The following LEFTY2 variants were observed in gnomAD, a reference collection of about 807,000 sequenced individuals.
LEFTY2 encodes left-right determination factor 2, also known as TGF-beta-4.
A neutral mutation model predicts 26.4 loss-of-function variants in LEFTY2; 10 were observed. The ratio of observed to expected loss-of-function variants is 0.38; its 90% CI spans 0.23 to 0.64. The LOEUF is 0.64. LEFTY2 is among the 30% of genes least tolerant of loss of function. LEFTY2 has a pLI of 0.56. For missense variants in LEFTY2, 407 were observed against 502.1 expected, an observed-to-expected ratio of 0.81 and a Z score of 1.81; for synonymous variants, 204 against 234.1, an observed-to-expected ratio of 0.87 and a Z score of 1.17.
chr1:225,939,232 G>A lies in LEFTY2; in HGVS notation c.737+129C>T. On this transcript the variant is annotated intron_variant, in intron 3 of 3. Transcript: ENST00000366820. The surrounding 1 kb of genome is among the most constrained non-coding windows in gnomAD (Gnocchi z 4.1). ...TAGTGGGCAATCGCTGGCATCCTGG[G>A]ACAGTCTGCACCGCGCTCTCCCTAC... is the stretch of plus-strand genomic sequence containing the variant. 1.4e-6 allele frequency: 2 copies of A among 1,421,370 alleles called. No individual in the cohort carries two copies. Among genetic ancestry groups the A allele is most frequent in the South Asian group, 1.2e-5 (1 of 80,518 alleles). 88.0% of individuals were successfully genotyped at this position (1,421,370 alleles called of 1,614,324 possible).
Position 225,939,838 on chromosome 1 carries a change from G to C in LEFTY2, c.415C>G (p.Arg139Gly), listed in dbSNP as rs750344975. ...ACGGTCACCCGGGCCTGGGCGCTGC[G>C]CGGGGACAGCCGCCCGTGCCTGTGC... is the stretch of plus-strand genomic sequence containing the variant. ...ALHRHGRLSP[R>G]SAQARVTVEW... The change falls in exon 2 of 4, where the codon CGC becomes GGC. Residue 139 changes from arginine to glycine, a missense_variant. Coordinates refer to ENST00000366820, the MANE Select transcript of LEFTY2 (RefSeq NM_003240.5). The surrounding 1 kb of genome is among the most constrained non-coding windows in gnomAD (Gnocchi z 4.1). 1.0e-5 allele frequency: 16 copies of C among 1,546,004 alleles called. No individual in the cohort carries two copies. The South Asian group carries it at 1.8e-4, about 17-fold the overall frequency.
Position 225,940,880 on chromosome 1 carries a change from G to T in LEFTY2, c.250+11C>A, listed in dbSNP as rs564180251. 5 of 1,613,402 alleles carry T rather than the reference G, an allele frequency of 3.1e-6. No homozygotes were observed. In the South Asian group the frequency reaches 4.4e-5, roughly 14 times the overall value. On this transcript the variant is annotated intron_variant, in intron 1 of 3. Transcript: ENST00000366820. ...CATGGGACCGGGGCCAGCAGGGAGGGAGGGTCTCACCTCGGAAGCTCTGGC... is the reference window on the plus strand; with the variant it reads ...CATGGGACCGGGGCCAGCAGGGAGGTAGGGTCTCACCTCGGAAGCTCTGGC...
At chr1:225,940,838 A>G (rs1672303925) in intron 1 of LEFTY2, 53 bp downstream of exon 1, 2 of 1,611,628 alleles carry the variant, frequency 1.2e-6, no homozygotes, top group African/African-American at 1.3e-5. Flanking sequence ...AGTGGGCACA[A>G]CCGGCCTGCC....
Position 225,937,449 on chromosome 1 carries a change from G to A in LEFTY2, c.1093C>T (p.Gln365Ter). The change falls in exon 4 of 4, where the codon CAG (glutamine) becomes TAG (stop). Residue 365 changes from glutamine to a stop codon, truncating the protein, a stop_gained. Transcript: ENST00000366820. LOFTEE classifies it high-confidence loss of function. ...ATGGATACACCAGGCGCCTATGGCTGGAGCCTCCTTGGCACGAGCGCCCCA... is the reference window on the plus strand; with the variant it reads ...ATGGATACACCAGGCGCCTATGGCTAGAGCCTCCTTGGCACGAGCGCCCCA... ...SDGALVPRRLQP is the reference protein window; with the variant it reads ...SDGALVPRRL 1.2e-6 allele frequency: 2 copies of A among 1,613,986 alleles called. No individual in the cohort carries two copies. Among genetic ancestry groups the A allele is most frequent in the Non-Finnish European group, 1.7e-6 (2 of 1,180,046 alleles).
Position 225,939,612 on chromosome 1 carries a change from T to A in LEFTY2, c.498-12A>T. The A allele has an allele frequency of 6.2e-7, 1 of 1,612,392 alleles. No individual in the cohort carries two copies. Among genetic ancestry groups the A allele is most frequent in the Non-Finnish European group, 8.5e-7 (1 of 1,179,774 alleles). ...GGACGGACACCAGCCTGAGACATGA[T>A]ACACACGACACGGAGACCCAGCGCC... On this transcript the variant is annotated splice_polypyrimidine_tract_variant and intron_variant, in intron 2 of 3. Coordinates refer to ENST00000366820, the MANE Select transcript of LEFTY2 (RefSeq NM_003240.5). This position sits in a 1 kb window ranked among gnomAD's most constrained non-coding sequence, Gnocchi z 4.1.
intron 1 of LEFTY2, 185 bp from the exon 2 acceptor site, chr1:225,940,187 A>AG (rs1187965627): frequency 4.9e-6 from 5 of 1,020,834 alleles, no homozygotes; most frequent in East Asian, 2.6e-5. Flanking sequence ...TCCAGCAGGC[A>AG]GGGGGGCCTG....
rs1472195425 is a variant in LEFTY2, at chr1:225,939,746, C to T, written c.497+10G>A. Reference sequence around the variant, plus strand: ...CCTACTCCTGCCCTGCGCGCCCGCGCGACCCCCACCTGGAGTCGATGAGGG... The same window carrying T: ...CCTACTCCTGCCCTGCGCGCCCGCGTGACCCCCACCTGGAGTCGATGAGGG... On this transcript the variant is annotated intron_variant, in intron 2 of 3. Coordinates refer to ENST00000366820, the MANE Select transcript of LEFTY2 (RefSeq NM_003240.5). This position sits in a 1 kb window ranked among gnomAD's most constrained non-coding sequence, Gnocchi z 4.1. 3 of 1,598,048 alleles carry T rather than the reference C, an allele frequency of 1.9e-6. No individual in the cohort carries two copies. The African/African-American group carries it at 4.0e-5, about 21-fold the overall frequency.
chr1:225,938,448 A>G (rs953871769), intron 3 of LEFTY2, among the ~76,000 whole-genome samples: 5 of 152,240 alleles, frequency 3.3e-5, no homozygotes, highest in Admixed American at 2.6e-4. Context: ...TAAATAAAAT[A>G]AATCATACAA....
rs6697182 is a variant in LEFTY2 at position 225,936,945 on chromosome 1, A to C, written c.*496T>G. The stretch of plus-strand genomic sequence containing the variant: ...TCCCAATTCCCTGTCCACTGCCCCC[A>C]GCCTGAAGCCCTTCATCCTTCCTCT... On this transcript the variant is annotated 3_prime_UTR_variant, in exon 4 of 4. Transcript: ENST00000366820. 5,801 of 168,312 alleles carry C rather than the reference A, an allele frequency of 0.034. 370 individuals are homozygous for C. The highest frequency in any genetic ancestry group is 0.13 in the African/African-American group (5,477 of 41,690). 10.4% of individuals were successfully genotyped at this position (168,312 alleles called of 1,614,324 possible).
In LEFTY2 at chr1:225,937,586, G is replaced by A. The variant is rs201183637; in HGVS notation, c.956C>T (p.Ser319Leu). Residue 319 changes from serine to leucine, a missense_variant, in exon 4 of 4, where the codon TCG becomes TTG. Physicochemically the swap from Ser to Leu is moderately radical, Grantham distance 145 (BLOSUM62 -2). Coordinates refer to ENST00000366820, the MANE Select transcript of LEFTY2 (RefSeq NM_003240.5). ...PFLGPRQCIA[S>L]ETASLPMIVS... ...GATCATGGGCAGCGAGGCAGTCTCC[G>A]AGGCGATACACTGTCGCGGCCCCAG... The A allele has an allele frequency of 9.3e-6, 15 of 1,614,080 alleles. No individual in the cohort carries two copies. Among genetic ancestry groups the A allele is most frequent in the Middle Eastern group, 1.7e-4 (1 of 5,970 alleles).
intron 3 of LEFTY2, 139 bp from the exon 4 acceptor site, chr1:225,937,943 G>A: frequency 8.6e-7 from 1 of 1,167,646 alleles, no homozygotes. Context: ...ATATTTGTGA[G>A]AAGATGAATA....
chr1:225,937,391 C>G lies in LEFTY2; in HGVS notation c.*50G>C, dbSNP rs1019682849. The G allele has an allele frequency of 6.2e-6, 10 of 1,612,636 alleles. No homozygotes were observed. Among genetic ancestry groups the G allele is most frequent in the Non-Finnish European group, 7.6e-6 (9 of 1,179,972 alleles). ...ATAAAGTTAAGACCTACATTAAGAC[C>G]ACCTCTATGCACACGTTCAGTTAGA... On this transcript the variant is annotated 3_prime_UTR_variant, in exon 4 of 4. Coordinates refer to ENST00000366820, the MANE Select transcript of LEFTY2 (RefSeq NM_003240.5).
intron 1 of LEFTY2, 29 bp downstream of exon 1, chr1:225,940,862 C>T: frequency 6.2e-7 from 1 of 1,613,010 alleles, no homozygotes; most frequent in Non-Finnish European, 8.5e-7. Flanking sequence ...GACCATGGGA[C>T]CGGGGCCAGC....
intron 1 of LEFTY2, 143 bp downstream of exon 1, chr1:225,940,748 C>T: frequency 1.5e-6 from 2 of 1,305,308 alleles, no homozygotes; most frequent in Non-Finnish European, 2.1e-6. Flanking sequence ...CCCGGCTCCT[C>T]CTCACTGCTC....
At position 225,940,013 on chromosome 1, in the gene LEFTY2, G is replaced by A. The variant is rs749827440; in HGVS notation, c.251-11C>T. 37 of 1,595,656 alleles carry A rather than the reference G, an allele frequency of 2.3e-5. No individual in the cohort carries two copies. Among genetic ancestry groups the A allele is most frequent in the South Asian group, 3.3e-5 (3 of 90,972 alleles). The stretch of plus-strand genomic sequence containing the variant: ...ACCTGCCGGCCACCTCTGGGGACAA[G>A]AGCAGGGTCAGCAGGGCCTCCCCGG... On this transcript the variant is annotated splice_polypyrimidine_tract_variant and intron_variant, in intron 1 of 3. Transcript: ENST00000366820.
At chr1:225,938,940 C>T (rs534914442) in intron 3 of LEFTY2, among the ~76,000 whole-genome samples, 1 of 138,494 alleles carries the variant, frequency 7.2e-6, no homozygotes, top group Admixed American at 8.0e-5. Flanking sequence ...GGTGTGATCT[C>T]AGCTCACTGC....
rs1051691997 is a variant in LEFTY2, at chr1:225,941,215, G to A, written c.-75C>T. On this transcript the variant is annotated 5_prime_UTR_variant, in exon 1 of 4. Transcript: ENST00000366820. ...GGTTGAAGGAGGGTCTCAGGCAGCT[G>A]GGTGTGCTGAGAGCCAGGCTGGGCC... 19 of 1,436,944 alleles carry A rather than the reference G, an allele frequency of 1.3e-5. No homozygotes were observed. Among genetic ancestry groups the A allele is most frequent in the Non-Finnish European group, 1.7e-5 (19 of 1,091,292 alleles). The allele number at this position is 1,436,944 out of a possible 1,614,324, so 89.0% of individuals were successfully genotyped here.
At position 225,941,172 on chromosome 1, in the gene LEFTY2, G is replaced by T; in HGVS notation, c.-32C>A. On this transcript the variant is annotated 5_prime_UTR_variant, in exon 1 of 4. Coordinates refer to ENST00000366820, the MANE Select transcript of LEFTY2 (RefSeq NM_003240.5). ...GCCCTGGGGGAGCAGGAGGCAGAGT[G>T]GGGCTGTCCTCTAGGGAGGTTGAAG... is the stretch of plus-strand genomic sequence containing the variant. 6.6e-7 allele frequency: 1 copy of T among 1,516,564 alleles called. No homozygotes were observed. The highest frequency in any genetic ancestry group is 1.3e-5 in the South Asian group (1 of 77,548). 93.9% of individuals were successfully genotyped at this position (1,516,564 alleles called of 1,614,324 possible). A position where few individuals can be genotyped will look rare whatever the true frequency, so the allele number is the denominator to read the frequency against.
chr1:225,939,441 G>C lies in LEFTY2; in HGVS notation c.657C>G (p.Val219=). The C allele has an allele frequency of 6.2e-7, 1 of 1,611,164 alleles. No individual in the cohort carries two copies. Among genetic ancestry groups the C allele is most frequent in the Non-Finnish European group, 8.5e-7 (1 of 1,179,176 alleles). ...CTGGCGCCCCCTGCGAGGCAAAGCG[G>C]ACCAGCTTGTGGGCGCCGGACGCCA... ...GPLASGAHKL[V]RFASQGAPAG... The change falls in exon 3 of 4, where the codon GTC becomes GTG. Residue 219 remains valine (V), a synonymous_variant. Transcript: ENST00000366820. The surrounding 1 kb of genome is among the most constrained non-coding windows in gnomAD (Gnocchi z 4.1).
Sources: allele counts gnomAD v4.1 joint callset (sites outside exome capture counted in the v4.1 genomes callset), GRCh38; gene constraint gnomAD v4.1.1; non-coding constraint Gnocchi (gnomAD v3.1); transcripts MANE v1.5; gene names NCBI Gene and HGNC (gene_info 2026-07-23, HGNC 2026-07-21).